The following PCDHA2 variants were observed in gnomAD, a reference collection of about 807,000 sequenced individuals.
PCDHA2 encodes protocadherin alpha-2.
In PCDHA2, 58 loss-of-function variants were observed where a neutral mutation model predicts 66.0. That is an observed-to-expected ratio of 0.88 (90% CI 0.71 to 1.09). The LOEUF (loss-of-function observed/expected upper bound fraction) is 1.09. PCDHA2 is among the 50% of genes least tolerant of loss of function. PCDHA2 has a pLI of 0.00. For synonymous variants in PCDHA2, 634 were observed against 554.0 expected, an observed-to-expected ratio of 1.14 and a Z score of -2.03; for missense variants, 1,267 against 1,242.3, an observed-to-expected ratio of 1.02 and a Z score of -0.30.
At chr5:140,848,501 A>G (rs2150411434) in intron 1 of PCDHA2, 1 of 1,586,022 alleles carries the variant, frequency 6.3e-7, no homozygotes, top group African/African-American at 1.4e-5. Flanking sequence ...TTGAAATGTT[A>G]TACTCAAGTC....
At position 140,796,993 on chromosome 5, in the gene PCDHA2, A is replaced by G. The variant is rs781970176; in HGVS notation, c.2029A>G (p.Lys677Glu). 1.9e-6 allele frequency: 3 copies of G among 1,613,726 alleles called. No individual in the cohort carries two copies. The highest frequency in any genetic ancestry group is 2.5e-6 in the Non-Finnish European group (3 of 1,179,960). The change falls in exon 1 of 4, where the codon AAG (lysine) becomes GAG (glutamate). Residue 677 changes from lysine (K) to glutamate (E), a missense_variant. Lys to Glu is a moderately conservative substitution (Grantham distance 56). Transcript: ENST00000526136. ...GTTGGTGGAAAGTGGCCAGGCACCC[A>G]AGGCCTCGTCGCGGGCGTGGGTGGG... The part of the protein sequence containing the change: ...VSLVESGQAP[K>E]ASSRAWVGAA...
chr5:140,856,308 C>G, intron 1 of PCDHA2: 1 of 1,598,620 alleles, frequency 6.3e-7, no homozygotes, highest in Non-Finnish European at 8.6e-7. Context: ...TTTGTGAATT[C>G]TCGGATTGAC....
chr5:140,910,274 G>A (rs1185029668), intron 1 of PCDHA2, among the ~76,000 whole-genome samples: 1 of 152,030 alleles, frequency 6.6e-6, no homozygotes, highest in Non-Finnish European at 1.5e-5. Flanking sequence ...TCACTTCTAG[G>A]AACACCATGA....
intron 1 of PCDHA2, among the ~76,000 whole-genome samples, chr5:140,898,476 G>A (rs1167001415): frequency 6.6e-6 from 1 of 152,072 alleles, no homozygotes; most frequent in Non-Finnish European, 1.5e-5. Flanking sequence ...TTTTTCTCAG[G>A]TTTGTCAAAG....
chr5:140,816,312 A>C (rs2126670539), intron 1 of PCDHA2: 29 of 152,232 alleles, frequency 1.9e-4, no homozygotes, highest in Admixed American at 4.6e-4. Flanking sequence ...TAAAATTTTC[A>C]GTTCAATTAT....
intron 1 of PCDHA2, among the ~76,000 whole-genome samples, chr5:140,944,059 T>C (rs190208662): frequency 6.6e-6 from 1 of 152,296 alleles, no homozygotes; most frequent in East Asian, 1.9e-4. Flanking sequence ...TACAAAAAGG[T>C]TTCTTGTTAA....
At chr5:140,823,126 G>C (rs1554129157) in intron 1 of PCDHA2, 4 of 1,614,022 alleles carry the variant, frequency 2.5e-6, no homozygotes, top group Non-Finnish European at 3.4e-6. Context: ...GAACGACAAC[G>C]CTCCGGCGTT....
intron 1 of PCDHA2, among the ~76,000 whole-genome samples, chr5:140,960,521 A>C (rs950989969): frequency 9.9e-5 from 15 of 152,162 alleles, no homozygotes; most frequent in Non-Finnish European, 1.5e-5. Context: ...CATAATGGGT[A>C]TAGGAAAGAG....
rs1176048892 is a variant in PCDHA2, at chr5:140,795,409, G to C, written c.445G>C (p.Asp149His). The part of the protein sequence containing the change: ...TIRFPESRLL[D>H]SRFPLEGASD... The stretch of plus-strand genomic sequence containing the variant: ...CCGGTTTCCCGAATCAAGGCTGCTT[G>C]ATTCTCGGTTTCCTCTAGAGGGAGC... Residue 149 changes from aspartate (D) to histidine (H), a missense_variant, in exon 1 of 4, where the codon GAT (aspartate) becomes CAT (histidine). Asp to His is a moderately conservative substitution (Grantham distance 81, BLOSUM62 -1). Transcript: ENST00000526136. 6 of 1,614,082 alleles carry C rather than the reference G, an allele frequency of 3.7e-6. No homozygotes were observed. Among genetic ancestry groups the C allele is most frequent in the Non-Finnish European group, 5.1e-6 (6 of 1,180,048 alleles).
intron 1 of PCDHA2, among the ~76,000 whole-genome samples, chr5:140,837,632 C>CCTTCCTTT (rs562891235): frequency 2.0e-5 from 3 of 151,106 alleles, no homozygotes; most frequent in Non-Finnish European, 4.4e-5. Flanking sequence ...TTCCTTCCTT[C>CCTTCCTTT]CTTTCTTTCT....
At position 140,796,212 on chromosome 5, in the gene PCDHA2, G is replaced by T. The variant is rs537511000; in HGVS notation, c.1248G>T (p.Glu416Asp). The change falls in exon 1 of 4, where the codon GAG (glutamate) becomes GAT (aspartate). Residue 416 changes from glutamate (E) to aspartate (D), a missense_variant. Coordinates refer to ENST00000526136, the MANE Select transcript of PCDHA2 (RefSeq NM_018905.3). Reference protein sequence around the residue: ...SLVLDSALDRESVSAYELVVT... With the variant: ...SLVLDSALDRDSVSAYELVVT... Reference sequence around the variant, plus strand: ...TGCTGGACAGCGCCCTGGACCGCGAGAGCGTGTCAGCCTATGAGCTGGTGG... The same window carrying T: ...TGCTGGACAGCGCCCTGGACCGCGATAGCGTGTCAGCCTATGAGCTGGTGG... The T allele has an allele frequency of 1.9e-6, 3 of 1,614,206 alleles. No individual in the cohort carries two copies. In the East Asian group the frequency reaches 6.7e-5, roughly 36 times the overall value.
chr5:140,856,901 C>A, intron 1 of PCDHA2: 1 of 1,595,974 alleles, frequency 6.3e-7, no homozygotes, highest in Non-Finnish European at 8.6e-7. Flanking sequence ...CTCTTTGGTC[C>A]CACCCACGAT....
chr5:140,927,045 C>G, intron 1 of PCDHA2: 1 of 1,612,254 alleles, frequency 6.2e-7, no homozygotes, highest in Non-Finnish European at 8.5e-7. Context: ...CCGCTATGTC[C>G]TCGCGGAACT....
chr5:140,871,269 G>T, intron 1 of PCDHA2: 3 of 1,613,952 alleles, frequency 1.9e-6, no homozygotes, highest in Non-Finnish European at 2.5e-6. Context: ...CGCTGTGGTG[G>T]TCGGCAACGC....
At chr5:140,864,373 TAA>T (rs1207632407) in intron 1 of PCDHA2, 1 of 152,248 alleles carries the variant, frequency 6.6e-6, no homozygotes, top group Non-Finnish European at 1.5e-5. Context: ...CTATAATCGA[TAA>T]GTTTATCTCT....
In PCDHA2 at chr5:140,850,584, A is replaced by G. The variant is rs1484372356; in HGVS notation, c.2388+53232A>G. On this transcript the variant is annotated intron_variant, in intron 1 of 3. Transcript: ENST00000526136. Reference sequence around the variant, plus strand: ...CCCCGAGGTGACGCTGGTGGATGTCAACGTGTACCTGATCATCGCCATCTG... The same window carrying G: ...CCCCGAGGTGACGCTGGTGGATGTCGACGTGTACCTGATCATCGCCATCTG... The G allele has an allele frequency of 2.5e-6, 4 of 1,598,362 alleles. 1 individual carries two copies. The highest frequency in any genetic ancestry group is 3.4e-6 in the Non-Finnish European group (4 of 1,167,826).
Position 140,796,815 on chromosome 5 carries a change from C to A in PCDHA2, c.1851C>A (p.Ser617Arg), listed in dbSNP as rs1554120120. Residue 617 changes from serine (S) to arginine (R), a missense_variant, in exon 1 of 4, where the codon AGC becomes AGA. Ser to Arg is a moderately radical substitution (Grantham distance 110). Transcript: ENST00000526136. ...ACGAGCTTCAGCTGGGTACTGGCAGCGCTCGCATCCCGTTCCGCGTGGGGC... is the reference window on the plus strand; with the variant it reads ...ACGAGCTTCAGCTGGGTACTGGCAGAGCTCGCATCCCGTTCCGCGTGGGGC... ...LSYELQLGTG[S>R]ARIPFRVGLY... 3 of 1,614,134 alleles carry A rather than the reference C, an allele frequency of 1.9e-6. No individual in the cohort carries two copies. Among genetic ancestry groups the A allele is most frequent in the East Asian group, 2.2e-5 (1 of 44,878 alleles).
At chr5:140,972,197 A>G (rs2096524584) in intron 1 of PCDHA2, among the ~76,000 whole-genome samples, 1 of 152,100 alleles carries the variant, frequency 6.6e-6, no homozygotes. Context: ...GCTGGAGTAT[A>G]GGTGTGAATA....
chr5:140,815,442 C>T (rs1389044439), intron 1 of PCDHA2: 4 of 152,212 alleles, frequency 2.6e-5, no homozygotes, highest in South Asian at 4.1e-4. Context: ...ATCTTTACTA[C>T]AATCACAAAA....
Sources: gnomAD v4.1 joint callset for allele counts (sites outside exome capture counted in the v4.1 genomes callset) on GRCh38, gnomAD v4.1.1 for gene constraint, MANE v1.5 for transcripts, NCBI Gene and HGNC (gene_info 2026-07-23, HGNC 2026-07-21) for gene names.